Variants in P4HA2 observed in about 807,000 individuals in gnomAD.
The protein encoded by P4HA2 is prolyl 4-hydroxylase subunit alpha 2.
A neutral mutation model predicts 76.9 loss-of-function variants in P4HA2; 46 were observed. The observed-to-expected ratio is 0.60, with a 90% CI of 0.47 to 0.76. The LOEUF is 0.76. Ranked by LOEUF, P4HA2 falls within the 30% of genes least tolerant of loss-of-function variation. The pLI is 0.00. For missense variants in P4HA2, 583 were observed against 669.4 expected (o/e 0.87, Z 1.42); for synonymous variants, 243 against 254.0 (o/e 0.96, Z 0.41).
rs986363985 is a variant in P4HA2 at position 132,191,328 on chromosome 5, C to T, written c.*1682G>A. Among the ~76,000 whole-genome samples the T allele has an allele frequency of 7.3e-5, 11 of 151,578 alleles. No homozygotes were observed. The highest frequency in any genetic ancestry group is 1.3e-4 in the Non-Finnish European group (9 of 67,910). On this transcript the variant is annotated 3_prime_UTR_variant, in exon 15 of 15. Coordinates refer to ENST00000360568, the MANE Select transcript of P4HA2 (RefSeq NM_001017974.2). ...GAGATCGAGACCATCCCGGCTAAAA[C>T]GGTGAAACCCCGTCTCTACTAAAAA...
chr5:132,202,871 T>C (rs17165762), intron 10 of P4HA2: 6,567 of 152,236 alleles, frequency 0.043, 236 homozygotes, highest in East Asian at 0.11. Context: ...CATATCACAG[T>C]GTAAGGTCCC....
intron 12 of P4HA2, among the ~76,000 whole-genome samples, chr5:132,195,993 G>A (rs113223761): frequency 3.1e-4 from 47 of 152,236 alleles, no homozygotes; most frequent in African/African-American, 1.1e-3. Flanking sequence ...TGAGTGGAAG[G>A]GTGGGGCACT....
intron 12 of P4HA2, 124 bp from the exon 13 acceptor site, chr5:132,195,604 CT>C: frequency 1.4e-6 from 1 of 732,186 alleles, no homozygotes; most frequent in Non-Finnish European, 2.4e-6. Flanking sequence ...TACTTGGTGT[CT>C]GCTCCATGGC....
chr5:132,200,446 C>A, intron 10 of P4HA2: 1 of 162,656 alleles, frequency 6.1e-6, no homozygotes. Flanking sequence ...AGCAGGTGGC[C>A]CTAAGGCTGG....
rs200998393 is a variant in P4HA2 at position 132,209,187 on chromosome 5, G to C, written c.854C>G (p.Pro285Arg). ...GIYERPVDYL[P>R]ERDVYESLCR... ...GAGGCTCTCGTAAACATCCCTCTCAGGCAGGTAGTCCACAGGCCTCTCATA... is the reference window on the plus strand; with the variant it reads ...GAGGCTCTCGTAAACATCCCTCTCACGCAGGTAGTCCACAGGCCTCTCATA... The change falls in exon 7 of 15, where the codon CCT (proline) becomes CGT (arginine). Residue 285 changes from proline (P) to arginine (R), a missense_variant. By Grantham distance (103) the Pro-to-Arg change is moderately radical. Coordinates refer to ENST00000360568, the MANE Select transcript of P4HA2 (RefSeq NM_001017974.2). The C allele has an allele frequency of 6.2e-7, 1 of 1,614,032 alleles. No individual in the cohort carries two copies. The highest frequency in any genetic ancestry group is 1.1e-5 in the South Asian group (1 of 91,078).
Position 132,203,881 on chromosome 5 carries a change from C to T in P4HA2, c.1152-34G>A, listed in dbSNP as rs201522592. 5.3e-4 allele frequency: 799 copies of T among 1,514,330 alleles called. 6 individuals are homozygous for T. Among genetic ancestry groups the T allele is most frequent in the South Asian group, 3.9e-4 (35 of 88,906 alleles). 93.8% of individuals were successfully genotyped at this position (1,514,330 alleles called of 1,614,324 possible). A position where few individuals can be genotyped will look rare whatever the true frequency, so the allele number is the denominator to read the frequency against. ...AAAGAAAAGGGCAGAGAAAAGAAGACGGAAGGGCAGGCTTCCATGAGGTCC... is the reference window on the plus strand; with the variant it reads ...AAAGAAAAGGGCAGAGAAAAGAAGATGGAAGGGCAGGCTTCCATGAGGTCC... On this transcript the variant is annotated intron_variant, in intron 9 of 14. Transcript: ENST00000360568.
At chr5:132,216,193 T>C (rs1323359479) in intron 4 of P4HA2, among the ~76,000 whole-genome samples, 1 of 138,468 alleles carries the variant, frequency 7.2e-6, no homozygotes, top group Non-Finnish European at 1.6e-5. Context: ...AAAAAGTCAG[T>C]GAGTCCAGGG....
chr5:132,209,662 C>T (rs1377268113), intron 6 of P4HA2, among the ~76,000 whole-genome samples: 1 of 151,090 alleles, frequency 6.6e-6, no homozygotes, highest in Non-Finnish European at 1.5e-5. Flanking sequence ...GTAATCCCAG[C>T]CACCTGGGAG....
rs973360955 is a variant in P4HA2 at position 132,194,947 on chromosome 5, C to T, written c.1510G>A (p.Val504Met). ...TCACCCCACTTGCAGCCCACAAGCA[C>T]AGGGCAGGCAGCATGTCTTGTTCGG... The part of the protein sequence containing the change: ...DYRTRHAACP[V>M]LVGCKWVSNK... Residue 504 changes from valine (V) to methionine (M), a missense_variant, in exon 14 of 15, where the codon GTG (valine) becomes ATG (methionine). Physicochemically the swap from Val to Met is conservative, Grantham distance 21. Coordinates refer to ENST00000360568, the MANE Select transcript of P4HA2 (RefSeq NM_001017974.2). 10 of 1,612,428 alleles carry T rather than the reference C, an allele frequency of 6.2e-6. No individual in the cohort carries two copies. Among genetic ancestry groups the T allele is most frequent in the African/African-American group, 2.7e-5 (2 of 74,876 alleles).
Position 132,217,181 on chromosome 5 carries a change from G to A in P4HA2, c.331+16C>T. 1.2e-6 allele frequency: 2 copies of A among 1,612,322 alleles called. No individual in the cohort carries two copies. The highest frequency in any genetic ancestry group is 4.5e-5 in the East Asian group (2 of 44,854). ...AACATATGGGCTCACTCAAGCACCT[G>A]CTCACCGTCCCTCACCTGCAGCTGA... is the stretch of plus-strand genomic sequence containing the variant. On this transcript the variant is annotated intron_variant, in intron 4 of 14. Transcript: ENST00000360568.
rs1270864587 is a variant in P4HA2 at position 132,218,574 on chromosome 5, C to T, written c.53G>A (p.Cys18Tyr). 5.6e-6 allele frequency: 9 copies of T among 1,613,776 alleles called. No individual in the cohort carries two copies. Among genetic ancestry groups the T allele is most frequent in the Non-Finnish European group, 6.8e-6 (8 of 1,179,680 alleles). ...LLMAWFGVLS[C>Y]VQAEFFTSIG... is the part of the protein sequence containing the mutation. ...AGAGGTGAAGAATTCGGCCTGCACA[C>T]AGCTCAGGACACCAAACCAGGCCAT... The change falls in exon 2 of 15, where the codon TGT becomes TAT. Residue 18 changes from cysteine (C) to tyrosine (Y), a missense_variant. Physicochemically the swap from Cys to Tyr is radical, Grantham distance 194. Transcript: ENST00000360568.
intron 4 of P4HA2, among the ~76,000 whole-genome samples, 187 bp downstream of exon 4, chr5:132,217,010 A>C (rs1252993169): frequency 6.6e-6 from 1 of 152,198 alleles, no homozygotes; most frequent in Admixed American, 6.6e-5. Flanking sequence ...TTACATGTTA[A>C]AAACCAAGGC....
At chr5:132,210,076 C>T (rs914841226) in intron 6 of P4HA2, among the ~76,000 whole-genome samples, 4 of 152,182 alleles carry the variant, frequency 2.6e-5, no homozygotes, top group Non-Finnish European at 5.9e-5. Context: ...TATCTATCAG[C>T]GACTGCGCAA....
At chr5:132,205,319 G>A (rs560636649) in intron 8 of P4HA2, among the ~76,000 whole-genome samples, 1 of 152,192 alleles carries the variant, frequency 6.6e-6, no homozygotes, top group African/African-American at 2.4e-5. Flanking sequence ...CCAGAGGCCT[G>A]GGAATGAAAA....
chr5:132,213,990 GCTC>G lies in P4HA2; in HGVS notation c.392_394del (p.Gly131del), dbSNP rs2126605469. On this transcript the variant is annotated inframe_deletion, in exon 5 of 15. Coordinates refer to ENST00000360568, the MANE Select transcript of P4HA2 (RefSeq NM_001017974.2). The stretch of plus-strand genomic sequence containing the variant: ...CTGAAGTCTCATCAGGGCTTTGGCA[GCTC>G]CTATCTCGTCCTCATCAGTGGGGAA... 6.2e-7 allele frequency: 1 copy of G among 1,614,072 alleles called. No homozygotes were observed. The highest frequency in any genetic ancestry group is 2.2e-5 in the East Asian group (1 of 44,882).
chr5:132,202,786 T>G (rs1751689051), intron 10 of P4HA2: 1 of 152,208 alleles, frequency 6.6e-6, no homozygotes, highest in South Asian at 2.1e-4. Context: ...GAAGCCAGGG[T>G]CCCAGTGGGA....
chr5:132,207,639 T>A, intron 8 of P4HA2, 69 bp downstream of exon 8: 1 of 1,379,898 alleles, frequency 7.2e-7, no homozygotes, highest in Non-Finnish European at 1.0e-6. Flanking sequence ...CAACCACCCA[T>A]AGTGCTAGGG....
chr5:132,198,651 G>A (rs1044054345), intron 11 of P4HA2, among the ~76,000 whole-genome samples: 3 of 152,176 alleles, frequency 2.0e-5, no homozygotes, highest in East Asian at 3.9e-4. Flanking sequence ...GGGGACGAAC[G>A]CCCCACATCT....
chr5:132,213,593 AG>A (rs1753407820), intron 5 of P4HA2, among the ~76,000 whole-genome samples: 2 of 152,138 alleles, frequency 1.3e-5, no homozygotes, highest in East Asian at 3.9e-4. Context: ...AAGACATTGG[AG>A]GGTGGGAGAC....
Sources: gnomAD v4.1 joint callset for allele counts (sites outside exome capture counted in the v4.1 genomes callset) on GRCh38, gnomAD v4.1.1 for gene constraint, MANE v1.5 for transcripts, NCBI Gene and HGNC (gene_info 2026-07-23, HGNC 2026-07-21) for gene names.